The following CRISPLD2 variants were observed in gnomAD, a reference collection of about 807,000 sequenced individuals.
CRISPLD2 encodes the protein cysteine rich secretory protein LCCL domain containing 2.
CRISPLD2 carries 47 observed loss-of-function variants against 71.1 expected under a neutral mutation model. The ratio of observed to expected loss-of-function variants is 0.66; its 90% confidence interval spans 0.52 to 0.84. The LOEUF is 0.84. Ranked by LOEUF, CRISPLD2 falls within the 40% of genes least tolerant of loss-of-function variation. The pLI is 0.00. For synonymous variants in CRISPLD2, 317 were observed against 250.1 expected (o/e 1.27, Z -2.52); for missense variants, 830 against 651.1 (o/e 1.27, Z -2.99).
intron 3 of CRISPLD2, among the ~76,000 whole-genome samples, chr16:84,846,680 G>T (rs1281594836): frequency 2.0e-5 from 3 of 152,174 alleles, no homozygotes; most frequent in Non-Finnish European, 4.4e-5. Context: ...GGCTGAGCCA[G>T]GTTCCACCCT....
chr16:84,840,531 G>C (rs1916741380), intron 2 of CRISPLD2, among the ~76,000 whole-genome samples: 1 of 152,174 alleles, frequency 6.6e-6, no homozygotes, highest in Non-Finnish European at 1.5e-5. Flanking sequence ...TTTTGAGACA[G>C]AGTGTTGCCC....
At chr16:84,855,608 C>A (rs1323896596) in intron 6 of CRISPLD2, among the ~76,000 whole-genome samples, 1 of 152,198 alleles carries the variant, frequency 6.6e-6, no homozygotes. Context: ...TGTTAATCTC[C>A]TTTGGCAACA....
chr16:84,833,252 G>A (rs2143156222), intron 1 of CRISPLD2, among the ~76,000 whole-genome samples: 1 of 152,248 alleles, frequency 6.6e-6, no homozygotes, highest in East Asian at 1.9e-4. Flanking sequence ...TTGACCCTGG[G>A]ACCTGAAAGC....
chr16:84,874,790 C>T (rs566775427), intron 11 of CRISPLD2, among the ~76,000 whole-genome samples: 3 of 152,106 alleles, frequency 2.0e-5, no homozygotes, highest in South Asian at 4.1e-4. Flanking sequence ...ACCTAAATTC[C>T]AGCAGCCAGA....
intron 1 of CRISPLD2, chr16:84,836,323 C>G (rs1916618108): frequency 6.6e-6 from 1 of 152,170 alleles, no homozygotes; most frequent in Non-Finnish European, 1.5e-5. Flanking sequence ...CTTCTTTGAG[C>G]CTGGCCGCCT....
intron 14 of CRISPLD2, among the ~76,000 whole-genome samples, chr16:84,892,812 C>T (rs1429760164): frequency 6.6e-6 from 1 of 151,678 alleles, no homozygotes; most frequent in Non-Finnish European, 1.5e-5. Context: ...CCCGTCTCTA[C>T]TAAAAATACA....
In CRISPLD2 at chr16:84,877,451, C is replaced by T; in HGVS notation, c.1170C>T (p.Asp390=). The part of the protein sequence containing the change: ...MVSKVKVQDL[D]CYTTVAQLCP... ...TCCTGTTCACAGTGCAGGATTTGGA[C>T]TGCTACACGACCGTTGCTCAGCTGT... Residue 390 remains aspartate (D), a synonymous_variant, in exon 12 of 15, where the codon GAC becomes GAT. Coordinates refer to ENST00000262424, the MANE Select transcript of CRISPLD2 (RefSeq NM_031476.4). The T allele has an allele frequency of 6.2e-7, 1 of 1,613,866 alleles. No homozygotes were observed. The highest frequency in any genetic ancestry group is 8.5e-7 in the Non-Finnish European group (1 of 1,179,824).
In CRISPLD2 at chr16:84,849,395, C is replaced by A; in HGVS notation, c.370C>A (p.Pro124Thr). 6.2e-7 allele frequency: 1 copy of A among 1,613,568 alleles called. No homozygotes were observed. The highest frequency in any genetic ancestry group is 8.5e-7 in the Non-Finnish European group (1 of 1,179,600). Residue 124 changes from proline (P) to threonine (T), a missense_variant, in exon 4 of 15, where the codon CCG (proline) becomes ACG (threonine). Pro to Thr is a conservative substitution (Grantham distance 38, BLOSUM62 -1). Coordinates refer to ENST00000262424, the MANE Select transcript of CRISPLD2 (RefSeq NM_031476.4). Reference protein sequence around the residue: ...LGAHWGRYRSPGFHVQSWYDE... With the variant: ...LGAHWGRYRSTGFHVQSWYDE... ...GTTTCTGCCCTGCAGGTATCGCTCT[C>A]CGGGGTTCCATGTGCAGTCCTGGTA...
intron 1 of CRISPLD2, among the ~76,000 whole-genome samples, chr16:84,822,513 A>C (rs1916253960): frequency 1.3e-5 from 2 of 152,142 alleles, no homozygotes; most frequent in South Asian, 4.1e-4. Flanking sequence ...AGGTGTCTGC[A>C]TGTCTGCCTG....
chr16:84,878,043 T>C (rs1384386298), intron 12 of CRISPLD2, among the ~76,000 whole-genome samples: 2 of 120,498 alleles, frequency 1.7e-5, no homozygotes, highest in Admixed American at 8.6e-5. Context: ...ACCCCGTCTC[T>C]ACTAAAAATA....
intron 3 of CRISPLD2, among the ~76,000 whole-genome samples, chr16:84,846,688 C>T (rs1042131019): frequency 6.6e-6 from 1 of 152,152 alleles, no homozygotes; most frequent in South Asian, 2.1e-4. Context: ...CAGGTTCCAC[C>T]CTGTTGGGAA....
chr16:84,883,779 T>A (rs572279599), intron 13 of CRISPLD2, among the ~76,000 whole-genome samples: 9 of 152,304 alleles, frequency 5.9e-5, no homozygotes, highest in African/African-American at 2.2e-4. Context: ...GGCATTTGTC[T>A]TGACTGACGC....
chr16:84,895,215 A>G (rs536102065), intron 14 of CRISPLD2, among the ~76,000 whole-genome samples: 45 of 152,286 alleles, frequency 3.0e-4, no homozygotes, highest in Admixed American at 1.7e-3. Flanking sequence ...GACTTGCCCA[A>G]GGTCACCCAG....
At chr16:84,888,252 G>T (rs1210005042) in intron 13 of CRISPLD2, among the ~76,000 whole-genome samples, 3 of 152,162 alleles carry the variant, frequency 2.0e-5, no homozygotes, top group African/African-American at 7.2e-5. Context: ...CCAACAATTG[G>T]GCCGAGTGCA....
chr16:84,873,892 CGT>C lies in CRISPLD2; in HGVS notation c.1113-27_1113-26del, dbSNP rs1491350479. The C allele has an allele frequency of 1.0e-4, 138 of 1,382,230 alleles. No individual in the cohort carries two copies. In the East Asian group the frequency reaches 1.8e-3, roughly 18 times the overall value. The allele number at this position is 1,382,230 out of a possible 1,614,324, so 85.6% of individuals were successfully genotyped here. ...ATTCTATTTGCATTTACCTAATGCC[CGT>C]TTTTTTTTTTTTTTTTTTTAAACAG... On this transcript the variant is annotated intron_variant, in intron 10 of 14. Coordinates refer to ENST00000262424, the MANE Select transcript of CRISPLD2 (RefSeq NM_031476.4).
At chr16:84,856,308 G>A (rs928273422) in intron 6 of CRISPLD2, among the ~76,000 whole-genome samples, 2 of 152,134 alleles carry the variant, frequency 1.3e-5, no homozygotes, top group African/African-American at 4.8e-5. Context: ...ACTGTGGAGC[G>A]GTAGACTGAT....
Position 84,850,147 on chromosome 16 carries a change from G to A in CRISPLD2, c.493-421G>A, listed in dbSNP as rs182008635. On this transcript the variant is annotated intron_variant, in intron 4 of 14. Transcript: ENST00000262424. ...CCTCTGTCGCCCAGGCTGGAGTGCA[G>A]TGGCACGATCTTGGCTCACCGCAAC... Among the ~76,000 whole-genome samples the A allele has an allele frequency of 3.3e-4, 50 of 151,168 alleles. No homozygotes were observed. In the East Asian group the frequency reaches 9.6e-3, roughly 29 times the overall value.
At chr16:84,826,193 G>C (rs1210153249) in intron 1 of CRISPLD2, among the ~76,000 whole-genome samples, 1 of 152,194 alleles carries the variant, frequency 6.6e-6, no homozygotes, top group Non-Finnish European at 1.5e-5. Flanking sequence ...GGACGGTTCT[G>C]GTTATAGGGC....
Position 84,838,594 on chromosome 16 carries a change from G to A in CRISPLD2, c.99G>A (p.Glu33=). The A allele has an allele frequency of 6.2e-7, 1 of 1,614,250 alleles. No individual in the cohort carries two copies. The highest frequency in any genetic ancestry group is 8.5e-7 in the Non-Finnish European group (1 of 1,180,044). ...TGCCCAACGTCACTCTCTTAGAGGAGCTGCTCAGCAAATACCAGCACAACG... is the reference window on the plus strand; with the variant it reads ...TGCCCAACGTCACTCTCTTAGAGGAACTGCTCAGCAAATACCAGCACAACG... ...YLLPNVTLLE[E]LLSKYQHNES... Residue 33 remains glutamate, a synonymous_variant, in exon 2 of 15, where the codon GAG becomes GAA. Transcript: ENST00000262424.
Sources: gnomAD v4.1 joint callset for allele counts (sites outside exome capture counted in the v4.1 genomes callset) on GRCh38, gnomAD v4.1.1 for gene constraint, MANE v1.5 for transcripts, NCBI Gene and HGNC (gene_info 2026-07-23, HGNC 2026-07-21) for gene names.